Variants in SLC3A1 observed in about 807,000 individuals in gnomAD.
SLC3A1 encodes solute carrier family 3 member 1.
SLC3A1 carries 78 observed loss-of-function variants against 60.3 expected under a neutral mutation model. The ratio of observed to expected loss-of-function variants is 1.29; its 90% confidence interval spans 1.08 to 1.56. The LOEUF (loss-of-function observed/expected upper bound fraction) is 1.56. Ranked by LOEUF, SLC3A1 falls within the 40% of genes most tolerant of loss-of-function variation. The probability of loss-of-function intolerance (pLI) is 0.00; values close to 1 mark genes in which losing one functional copy is unlikely to be tolerated. For synonymous variants in SLC3A1, 392 were observed against 307.9 expected (o/e 1.27, Z -2.86); for missense variants, 1,172 against 858.9 (o/e 1.36, Z -4.56).
intron 9 of SLC3A1, 137 bp downstream of exon 9, chr2:44,314,088 C>T (rs1572816525): frequency 6.5e-7 from 1 of 1,544,612 alleles, no homozygotes; most frequent in Non-Finnish European, 8.8e-7. Flanking sequence ...TTGCAGTTTT[C>T]CATTTGTAAG....
At position 44,312,665 on chromosome 2, in the gene SLC3A1, C is replaced by G. The variant is rs369754865; in HGVS notation, c.1412C>G (p.Thr471Arg). 8.1e-6 allele frequency: 13 copies of G among 1,613,618 alleles called. No individual in the cohort carries two copies. The highest frequency in any genetic ancestry group is 1.1e-5 in the South Asian group (1 of 91,080). Residue 471 changes from threonine to arginine, a missense_variant, in exon 8 of 10, where the codon ACA becomes AGA. By Grantham distance (71) the Thr-to-Arg change is moderately conservative (BLOSUM62 -1). Transcript: ENST00000260649. ...YVNVMNMLLF[T>R]LPGTPITYYG... is the part of the protein sequence containing the mutation. ...AACGTGATGAACATGCTTCTTTTCA[C>G]ACTCCCTGGAACTCCTATAACTTAC...
intron 7 of SLC3A1, among the ~76,000 whole-genome samples, chr2:44,306,677 T>C (rs1672166259): frequency 6.6e-6 from 1 of 151,140 alleles, no homozygotes; most frequent in Non-Finnish European, 1.5e-5. Flanking sequence ...CCTCAGCCTT[T>C]AGAGTAGCTG....
In SLC3A1 at chr2:44,313,197, CCTTTT is replaced by C. The variant is rs752690297; in HGVS notation, c.1500+452_1500+456del. On this transcript the variant is annotated intron_variant, in intron 8 of 9. Transcript: ENST00000260649. ...TCTTGGGTGACCACAGCACAAGGACCCTTTTCTTTTCTGTTATCAGGTGCAGTGCA... is the reference window on the plus strand; with the variant it reads ...TCTTGGGTGACCACAGCACAAGGACCCTTTTCTGTTATCAGGTGCAGTGCA... Among the ~76,000 whole-genome samples the C allele has an allele frequency of 1.2e-4, 18 of 152,022 alleles. No homozygotes were observed. The East Asian group carries it at 1.5e-3, about 13-fold the overall frequency.
At chr2:44,319,185 A>G (rs958296883) in intron 9 of SLC3A1, 1 of 152,652 alleles carries the variant, frequency 6.6e-6, no homozygotes. Flanking sequence ...ACATATTGGG[A>G]ACCTACCCCT....
rs529702413 is a variant in SLC3A1, at chr2:44,297,842, C to G, written c.892-2129C>G. Among the ~76,000 whole-genome samples, 476 of 152,308 alleles carry G rather than the reference C, an allele frequency of 3.1e-3. 3 individuals carry two copies. The highest frequency in any genetic ancestry group is 0.011 in the African/African-American group (460 of 41,566). On this transcript the variant is annotated intron_variant, in intron 4 of 9. Coordinates refer to ENST00000260649, the MANE Select transcript of SLC3A1 (RefSeq NM_000341.4). ...AGAACTCCTGGGCTCAAGCGATCCT[C>G]CCACCTCAGCCTCCTAAATTGCTGA...
At chr2:44,285,208 C>T (rs1671585223) in intron 3 of SLC3A1, 1 of 154,680 alleles carries the variant, frequency 6.5e-6, no homozygotes, top group South Asian at 2.0e-4. Flanking sequence ...CCTTGAAAGG[C>T]AGCAGCTACT....
chr2:44,291,662 C>T (rs779534593), intron 4 of SLC3A1, among the ~76,000 whole-genome samples: 8 of 152,282 alleles, frequency 5.3e-5, no homozygotes, highest in South Asian at 2.1e-4. Flanking sequence ...CCCCCAGCAG[C>T]GCTTGTTTCT....
intron 9 of SLC3A1, chr2:44,314,343 C>T (rs1201818628): frequency 1.9e-5 from 8 of 427,110 alleles, no homozygotes; most frequent in Non-Finnish European, 3.0e-5. Context: ...ATCAATCAAT[C>T]AACCCAGAGC....
At chr2:44,318,824 G>C (rs1046845136) in intron 9 of SLC3A1, 7 of 152,090 alleles carry the variant, frequency 4.6e-5, no homozygotes, top group Admixed American at 1.3e-4. Flanking sequence ...CATTATATGA[G>C]ACAAAGGCAA....
intron 9 of SLC3A1, among the ~76,000 whole-genome samples, chr2:44,317,393 T>C (rs1275176667): frequency 2.6e-5 from 4 of 151,600 alleles, no homozygotes; most frequent in Non-Finnish European, 4.4e-5. Context: ...GCCCAGGATG[T>C]TGAGGCTGCA....
chr2:44,297,430 C>T (rs1572801671), intron 4 of SLC3A1, among the ~76,000 whole-genome samples: 3 of 152,162 alleles, frequency 2.0e-5, no homozygotes, highest in South Asian at 4.1e-4. Flanking sequence ...CCATTCCCAC[C>T]CTCCATTGAA....
Position 44,275,617 on chromosome 2 carries a change from G to T in SLC3A1, c.82G>T (p.Glu28Ter). The T allele has an allele frequency of 6.2e-7, 1 of 1,614,106 alleles. No individual in the cohort carries two copies. Among genetic ancestry groups the T allele is most frequent in the Non-Finnish European group, 8.5e-7 (1 of 1,179,954 alleles). Reference protein sequence around the residue: ...CQTNNGFVHNEDILEQTPDPG... With the variant: ...CQTNNGFVHN ...GACAAACAACGGGTTTGTCCATAATGAAGACATTCTGGAGCAGACCCCGGA... is the reference window on the plus strand; with the variant it reads ...GACAAACAACGGGTTTGTCCATAATTAAGACATTCTGGAGCAGACCCCGGA... Residue 28 changes from glutamate (E) to a stop codon, truncating the protein, a stop_gained, in exon 1 of 10, where the codon GAA becomes TAA. Transcript: ENST00000260649. LOFTEE classifies it high-confidence loss of function.
intron 4 of SLC3A1, among the ~76,000 whole-genome samples, chr2:44,299,713 T>A (rs1319711943): frequency 6.6e-6 from 1 of 152,230 alleles, no homozygotes; most frequent in Non-Finnish European, 1.5e-5. Flanking sequence ...AACATCCTTA[T>A]AACATCCATT....
chr2:44,311,834 T>C lies in SLC3A1; in HGVS notation c.1333-752T>C, dbSNP rs567522741. 2.0e-5 allele frequency among the ~76,000 whole-genome samples: 3 copies of C among 152,262 alleles called. No individual in the cohort carries two copies. In the South Asian group the frequency reaches 6.2e-4, roughly 32 times the overall value. ...CTTAGACTACTACTTGAATAAATGA[T>C]GTAATTTCTCAGAGCTTGTTTCCTC... On this transcript the variant is annotated intron_variant, in intron 7 of 9. Transcript: ENST00000260649.
chr2:44,303,558 TTG>T (rs1491127977), intron 6 of SLC3A1, among the ~76,000 whole-genome samples: 5 of 51,558 alleles, frequency 9.7e-5, no homozygotes, highest in African/African-American at 1.6e-4. Flanking sequence ...TTCATTTTTT[TTG>T]GGGGGGGTGG....
chr2:44,315,922 C>T (rs1012403521), intron 9 of SLC3A1, among the ~76,000 whole-genome samples: 8 of 152,066 alleles, frequency 5.3e-5, no homozygotes, highest in African/African-American at 1.7e-4. Flanking sequence ...TGTCCCCTGG[C>T]GAGAATTCAC....
chr2:44,300,385 A>G (rs1287953091), intron 5 of SLC3A1, among the ~76,000 whole-genome samples: 1 of 152,164 alleles, frequency 6.6e-6, no homozygotes, highest in East Asian at 1.9e-4. Context: ...GAGGACATTT[A>G]CTCCTGCAAT....
intron 7 of SLC3A1, among the ~76,000 whole-genome samples, chr2:44,305,581 C>A (rs1672134537): frequency 6.6e-6 from 1 of 151,808 alleles, no homozygotes; most frequent in African/African-American, 2.4e-5. Context: ...GTGCACGCCA[C>A]CATGCCTGGC....
chr2:44,311,024 G>C (rs894623786), intron 7 of SLC3A1, among the ~76,000 whole-genome samples: 1 of 152,100 alleles, frequency 6.6e-6, no homozygotes, highest in African/African-American at 2.4e-5. Context: ...TAGAACTCCT[G>C]AGCTCAAGCA....
Sources: gnomAD v4.1 joint callset for allele counts (sites outside exome capture counted in the v4.1 genomes callset) on GRCh38, gnomAD v4.1.1 for gene constraint, MANE v1.5 for transcripts, NCBI Gene and HGNC (gene_info 2026-07-23, HGNC 2026-07-21) for gene names.